The following DIAPH2 variants were observed in gnomAD, a reference collection of about 807,000 sequenced individuals.
DIAPH2 encodes the protein protein diaphanous homolog 2.
DIAPH2 carries 35 observed loss-of-function variants against 92.7 expected under a neutral mutation model. That is an observed-to-expected ratio of 0.38 (90% CI 0.29 to 0.50). The LOEUF is 0.50. Among genes scored for constraint, DIAPH2 ranks in the 20% least tolerant of loss-of-function variants. The pLI is 0.94. For synonymous variants in DIAPH2, 301 were observed against 280.4 expected, an observed-to-expected ratio of 1.07 and a Z score of -0.73; for missense variants, 701 against 819.5, an observed-to-expected ratio of 0.86 and a Z score of 1.77.
chrX:97,263,389 T>C (rs5921728), intron 23 of DIAPH2, among the ~76,000 whole-genome samples: 14,471 of 110,774 alleles, frequency 0.13, 1,678 homozygotes, highest in African/African-American at 0.38. Flanking sequence ...ACCAGGATTT[T>C]CCAAATTTGA....
At chrX:97,510,506 T>G (rs1188645965) in intron 26 of DIAPH2, among the ~76,000 whole-genome samples, 2 of 109,598 alleles carry the variant, frequency 1.8e-5, no homozygotes, top group African/African-American at 3.3e-5. Flanking sequence ...AGAAGCTCTT[T>G]AGTTTAATTA....
In DIAPH2 at chrX:97,425,929, T is replaced by G. The variant is rs187733781; in HGVS notation, c.3146-3721T>G. 3.8e-3 allele frequency among the ~76,000 whole-genome samples: 420 copies of G among 110,593 alleles called. 2 individuals are homozygous for G. Among genetic ancestry groups the G allele is most frequent in the Non-Finnish European group, 6.0e-3 (316 of 52,940 alleles). On this transcript the variant is annotated intron_variant, in intron 25 of 26. Transcript: ENST00000324765. ...TGGAATTGCATCTTCTATTCTATCC[T>G]TCTTCTAATATACTTTTTCAGGGTA...
At chrX:97,379,714 G>A (rs2069535078) in intron 24 of DIAPH2, among the ~76,000 whole-genome samples, 1 of 111,928 alleles carries the variant, frequency 8.9e-6, no homozygotes, top group Non-Finnish European at 1.9e-5. Flanking sequence ...AAGTACTTGA[G>A]CAGTCAGTCA....
chrX:97,023,608 A>G (rs991896170), intron 17 of DIAPH2, among the ~76,000 whole-genome samples: 2 of 112,054 alleles, frequency 1.8e-5, no homozygotes, highest in African/African-American at 3.2e-5. Context: ...CTCTTTCATC[A>G]TAATGCACCT....
intron 4 of DIAPH2, among the ~76,000 whole-genome samples, chrX:96,878,342 C>T (rs2065192450): frequency 9.0e-6 from 1 of 111,559 alleles, no homozygotes; most frequent in Admixed American, 9.6e-5. Context: ...GTTTTAGTCT[C>T]ATACTCTTAC....
At chrX:97,526,725 C>G (rs2071026925) in intron 26 of DIAPH2, among the ~76,000 whole-genome samples, 1 of 111,645 alleles carries the variant, frequency 9.0e-6, no homozygotes, top group South Asian at 3.7e-4. Context: ...ATTTCATTAT[C>G]TCTTGAAACT....
chrX:97,381,554 C>T (rs1436490665), intron 24 of DIAPH2, among the ~76,000 whole-genome samples: 1 of 111,494 alleles, frequency 9.0e-6, no homozygotes, highest in African/African-American at 3.3e-5. Context: ...AAAGTATTCA[C>T]AGTTTATCTG....
chrX:97,545,458 G>A (rs894980960), intron 26 of DIAPH2, among the ~76,000 whole-genome samples: 23 of 105,356 alleles, frequency 2.2e-4, no homozygotes, highest in African/African-American at 8.0e-4. Context: ...GAAATATTGT[G>A]GCCATCTGCT....
rs1469870726 is a variant in DIAPH2, at chrX:97,570,111, T to G, written c.3242-29142T>G. On this transcript the variant is annotated intron_variant, in intron 26 of 26. Transcript: ENST00000324765. ...ATATATATATATATATATATATATA[T>G]ATATATATATATTAGAAGATAGATA... 5.0e-3 allele frequency among the ~76,000 whole-genome samples: 162 copies of G among 32,457 alleles called. 2 individuals carry two copies. Among genetic ancestry groups the G allele is most frequent in the East Asian group, 0.017 (12 of 696 alleles). The allele number at this position is 32,457 out of a possible 115,157, so 28.2% of individuals were successfully genotyped here.
chrX:96,943,116 C>T (rs185469857), intron 13 of DIAPH2, among the ~76,000 whole-genome samples: 19 of 110,736 alleles, frequency 1.7e-4, no homozygotes, highest in Admixed American at 1.6e-3. Context: ...TCTCTATGAC[C>T]TATCTATCTC....
chrX:97,068,785 TG>T (rs2066649670), intron 17 of DIAPH2, among the ~76,000 whole-genome samples: 1 of 112,231 alleles, frequency 8.9e-6, no homozygotes, highest in African/African-American at 3.2e-5. Context: ...TTCTTATATT[TG>T]TATGTTATAT....
intron 4 of DIAPH2, among the ~76,000 whole-genome samples, chrX:96,854,639 A>C (rs1285282984): frequency 8.5e-5 from 7 of 82,105 alleles, no homozygotes; most frequent in Admixed American, 1.4e-4. Context: ...ATATATATAT[A>C]TATCCATCTG....
At chrX:97,044,997 T>G (rs1410229656) in intron 17 of DIAPH2, among the ~76,000 whole-genome samples, 5 of 111,753 alleles carry the variant, frequency 4.5e-5, no homozygotes, top group African/African-American at 1.3e-4. Context: ...CATTCCCTCT[T>G]TCTTAAAGGA....
At position 96,825,068 on chromosome X, in the gene DIAPH2, C is replaced by T. The variant is rs367972526; in HGVS notation, c.448-56511C>T. Among the ~76,000 whole-genome samples the T allele has an allele frequency of 4.3e-4, 46 of 108,116 alleles. 1 individual carries two copies. In the East Asian group the frequency reaches 0.012, roughly 29 times the overall value. 93.9% of individuals were successfully genotyped at this position (108,116 alleles called of 115,157 possible). ...TCAAGTGATTCTCCTGCCTCAGCCT[C>T]CCGAGTAGCTGGGATTACAGGCGCA... On this transcript the variant is annotated intron_variant, in intron 4 of 26. Coordinates refer to ENST00000324765, the MANE Select transcript of DIAPH2 (RefSeq NM_006729.5).
intron 23 of DIAPH2, among the ~76,000 whole-genome samples, chrX:97,251,312 G>A (rs931428964): frequency 9.0e-6 from 1 of 111,621 alleles, no homozygotes; most frequent in African/African-American, 3.3e-5. Flanking sequence ...TGGATAAAAG[G>A]ATATGATCTA....
intron 22 of DIAPH2, among the ~76,000 whole-genome samples, chrX:97,191,339 A>G (rs78836261): frequency 0.077 from 7,862 of 101,857 alleles, 632 homozygotes; most frequent in African/African-American, 0.28. Context: ...AAAAAAAAAG[A>G]AAAAAAAAAG....
At chrX:97,028,603 G>A (rs1305182372) in intron 17 of DIAPH2, among the ~76,000 whole-genome samples, 1 of 112,004 alleles carries the variant, frequency 8.9e-6, no homozygotes, top group Non-Finnish European at 1.9e-5. Flanking sequence ...ATGCTTCCAA[G>A]GTTCATCCGT....
At chrX:97,463,141 T>C (rs1318986230) in intron 26 of DIAPH2, among the ~76,000 whole-genome samples, 2 of 110,683 alleles carry the variant, frequency 1.8e-5, no homozygotes, top group Non-Finnish European at 3.8e-5. Flanking sequence ...CTTCACATCA[T>C]GAGTTCATGG....
chrX:97,191,417 G>A (rs2067652887), intron 22 of DIAPH2, among the ~76,000 whole-genome samples: 2 of 110,965 alleles, frequency 1.8e-5, no homozygotes, highest in South Asian at 7.6e-4. Context: ...CACATTTGTT[G>A]GATTTGTTCC....
Sources: gnomAD v4.1 joint callset for allele counts (sites outside exome capture counted in the v4.1 genomes callset) on GRCh38, gnomAD v4.1.1 for gene constraint, MANE v1.5 for transcripts, NCBI Gene and HGNC (gene_info 2026-07-23, HGNC 2026-07-21) for gene names.